ATP13A4: variants seen among roughly 807,000 people sequenced by gnomAD.
ATP13A4 encodes probable cation-transporting ATPase 13A4.
ATP13A4 carries 114 observed loss-of-function variants against 142.5 expected under a neutral mutation model. The ratio of observed to expected loss-of-function variants is 0.80; its 90% CI spans 0.69 to 0.93. ATP13A4 has a LOEUF of 0.93. Among genes scored for constraint, ATP13A4 ranks in the 40% least tolerant of loss-of-function variants. The pLI, the probability that ATP13A4 is intolerant of heterozygous loss-of-function variation, is 0.00. For synonymous variants in ATP13A4, 488 were observed against 514.8 expected, an observed-to-expected ratio of 0.95 and a Z score of 0.70; for missense variants, 1,392 against 1,454.0, an observed-to-expected ratio of 0.96 and a Z score of 0.69.
chr3:193,485,695 T>C (rs7631570), intron 7 of ATP13A4, among the ~76,000 whole-genome samples: 63,019 of 151,928 alleles, frequency 0.41, 13,061 homozygotes, highest in Admixed American at 0.48. Context: ...GATGATGATA[T>C]TAGGAGAAGG....
rs112344046 is a variant in ATP13A4, at chr3:193,584,009, A to G, written n.92-2103T>C. 3.2e-4 allele frequency among the ~76,000 whole-genome samples: 49 copies of G among 152,244 alleles called. 1 individual carries two copies. The highest frequency in any genetic ancestry group is 6.2e-4 in the South Asian group (3 of 4,818). On this transcript the variant is annotated intron_variant and non_coding_transcript_variant, in intron 1 of 3. Coordinates refer to the ATP13A4 transcript ENST00000489140. Reference sequence around the variant, plus strand: ...TTCTTTCCTCCCCTTTCCCCAACCCATCACACTCACACACTCCATATCAGA... The same window carrying G: ...TTCTTTCCTCCCCTTTCCCCAACCCGTCACACTCACACACTCCATATCAGA...
Position 193,411,341 on chromosome 3 carries a change from A to G in ATP13A4, c.3209-271T>C, listed in dbSNP as rs557454927. ...ACATAGGGTAACATTGACAAAATACATGTTCAATAAATGCCTTGAAGACAT... is the reference window on the plus strand; with the variant it reads ...ACATAGGGTAACATTGACAAAATACGTGTTCAATAAATGCCTTGAAGACAT... On this transcript the variant is annotated intron_variant, in intron 27 of 29. Transcript: ENST00000342695. Among the ~76,000 whole-genome samples the G allele has an allele frequency of 5.9e-5, 9 of 152,336 alleles. No homozygotes were observed. In the South Asian group the frequency reaches 1.9e-3, roughly 32 times the overall value.
chr3:193,503,062 A>G lies in ATP13A4; in HGVS notation c.235-423T>C, dbSNP rs2108676924. Among the ~76,000 whole-genome samples the G allele has an allele frequency of 1.3e-5, 2 of 152,238 alleles. 1 individual carries two copies. Among genetic ancestry groups the G allele is most frequent in the South Asian group, 4.2e-4 (2 of 4,810 alleles). ...CAGGGGGGGGAACTATCACTTTGTT[A>G]ACTCCAAAAAAATGTTAAGTGTCCC... On this transcript the variant is annotated intron_variant, in intron 2 of 29. Coordinates refer to ENST00000342695, the MANE Select transcript of ATP13A4 (RefSeq NM_032279.4).
At chr3:193,486,291 T>C (rs947239159) in intron 7 of ATP13A4, among the ~76,000 whole-genome samples, 1 of 152,188 alleles carries the variant, frequency 6.6e-6, no homozygotes, top group Non-Finnish European at 1.5e-5. Flanking sequence ...CCAATGGGAA[T>C]ATTTTGAAGC....
chr3:193,459,286 C>A (rs1717817125), intron 13 of ATP13A4, 55 bp from the exon 14 acceptor site: 6 of 1,605,748 alleles, frequency 3.7e-6, no homozygotes, highest in Non-Finnish European at 4.3e-6. Flanking sequence ...CAAAACAGAG[C>A]ATCTTGGAGG....
At chr3:193,533,146 C>G (rs1165785963) in intron 1 of ATP13A4, among the ~76,000 whole-genome samples, 1 of 151,814 alleles carries the variant, frequency 6.6e-6, no homozygotes, top group Non-Finnish European at 1.5e-5. Flanking sequence ...TTTGAGAGGC[C>G]AAGAGGGAAG....
intron 1 of ATP13A4, among the ~76,000 whole-genome samples, chr3:193,553,058 G>A (rs1723672465): frequency 6.6e-6 from 1 of 152,206 alleles, no homozygotes; most frequent in Non-Finnish European, 1.5e-5. Flanking sequence ...GGCAGAAGAG[G>A]ATGGAGAGCT....
intron 2 of ATP13A4, among the ~76,000 whole-genome samples, chr3:193,562,254 G>C (rs750398102): frequency 1.3e-5 from 2 of 152,082 alleles, no homozygotes; most frequent in East Asian, 3.9e-4. Flanking sequence ...ATGAGTGTGG[G>C]TTATGTTGTA....
rs142255666 is a variant in ATP13A4, at chr3:193,464,944, T to G, written c.1457A>C (p.Asp486Ala). The G allele has an allele frequency of 1.9e-6, 3 of 1,613,750 alleles. No homozygotes were observed. The highest frequency in any genetic ancestry group is 2.5e-6 in the Non-Finnish European group (3 of 1,179,846). ...VCGQLNLVCF[D>A]KTGTLTRDGL... ...ATAAGGATGAAACACACATACCTTG[T>G]CAAAGCAGACAAGGTTTAACTGTCC... The change falls in exon 12 of 30, where the codon GAC (aspartate) becomes GCC (alanine). Residue 486 changes from aspartate to alanine, a missense_variant. By Grantham distance (126) the Asp-to-Ala change is moderately radical (BLOSUM62 -2). Coordinates refer to ENST00000342695, the MANE Select transcript of ATP13A4 (RefSeq NM_032279.4).
At chr3:193,427,538 C>G (rs956594071) in intron 25 of ATP13A4, among the ~76,000 whole-genome samples, 1 of 152,200 alleles carries the variant, frequency 6.6e-6, no homozygotes, top group Non-Finnish European at 1.5e-5. Context: ...ATCACACTAT[C>G]TGACTTCAAA....
At chr3:193,507,674 C>T (rs1720930500) in intron 2 of ATP13A4, among the ~76,000 whole-genome samples, 1 of 152,274 alleles carries the variant, frequency 6.6e-6, no homozygotes. Context: ...ATTTTTGTAG[C>T]TGTTTTCTGA....
At chr3:193,407,213 C>T in intron 29 of ATP13A4, 100 bp downstream of exon 29, 4 of 1,045,220 alleles carry the variant, frequency 3.8e-6, no homozygotes, top group African/African-American at 1.6e-5. Flanking sequence ...CTGCTGAGTC[C>T]ATGTCAGCTA....
At chr3:193,503,700 T>G (rs1403567959) in intron 2 of ATP13A4, among the ~76,000 whole-genome samples, 1 of 152,196 alleles carries the variant, frequency 6.6e-6, no homozygotes, top group African/African-American at 2.4e-5. Flanking sequence ...GAAGACCGTC[T>G]GTATGCCTTT....
intron 13 of ATP13A4, among the ~76,000 whole-genome samples, chr3:193,459,506 C>T (rs1337808197): frequency 1.3e-5 from 2 of 152,112 alleles, no homozygotes; most frequent in Non-Finnish European, 2.9e-5. Context: ...GGCGTGATCT[C>T]GATTCATTGC....
chr3:193,497,541 A>G (rs1042979797), intron 3 of ATP13A4, among the ~76,000 whole-genome samples: 1 of 152,218 alleles, frequency 6.6e-6, no homozygotes, highest in Non-Finnish European at 1.5e-5. Context: ...AAACTATCAT[A>G]TGATCCCACA....
rs899682610 is a variant in ATP13A4 at position 193,454,009 on chromosome 3, C to T, written c.2027+92G>A. On this transcript the variant is annotated intron_variant, in intron 17 of 29. Transcript: ENST00000342695. ...TTGCTCTGTCCACCACCCAGAACCC[C>T]TAAGTCCATCCCAGTCTAATGCACT... 65 of 1,098,356 alleles carry T rather than the reference C, an allele frequency of 5.9e-5. No homozygotes were observed. The South Asian group carries it at 7.8e-4, about 13-fold the overall frequency. 68.0% of individuals were successfully genotyped at this position (1,098,356 alleles called of 1,614,324 possible).
chr3:193,533,948 C>T (rs1305961784), intron 1 of ATP13A4, among the ~76,000 whole-genome samples: 1 of 152,172 alleles, frequency 6.6e-6, no homozygotes, highest in East Asian at 1.9e-4. Context: ...CATCTCTGTG[C>T]TCGAAGGGAT....
chr3:193,524,005 C>T (rs1721868934), intron 1 of ATP13A4, among the ~76,000 whole-genome samples: 1 of 152,172 alleles, frequency 6.6e-6, no homozygotes, highest in Non-Finnish European at 1.5e-5. Context: ...TTCCCTTCTG[C>T]TTTCCATCAC....
At chr3:193,567,078 A>G (rs7632559) in intron 2 of ATP13A4, among the ~76,000 whole-genome samples, 4,924 of 152,208 alleles carry the variant, frequency 0.032, 251 homozygotes, top group African/African-American at 0.11. Flanking sequence ...AAAATTTATC[A>G]CAGCATTGTT....
Sources: allele counts gnomAD v4.1 joint callset (sites outside exome capture counted in the v4.1 genomes callset), GRCh38; gene constraint gnomAD v4.1.1; transcripts MANE v1.5; gene names NCBI Gene and HGNC (gene_info 2026-07-23, HGNC 2026-07-21).